FBN1: variants seen among roughly 807,000 people sequenced by gnomAD.
The protein encoded by FBN1 is fibrillin 1, also known as fibrillin-1.
FBN1 carries 29 observed loss-of-function variants against 365.1 expected under a neutral mutation model. The ratio of observed to expected loss-of-function variants is 0.08; its 90% CI spans 0.06 to 0.11. The LOEUF (loss-of-function observed/expected upper bound fraction) is 0.11, where lower values mean the gene tolerates loss of function less well. Among genes scored for constraint, FBN1 ranks in the 10% least tolerant of loss-of-function variants. The pLI, the probability that FBN1 is intolerant of heterozygous loss-of-function variation, is 1.00. For missense variants in FBN1, 2,476 were observed against 3,703.2 expected (o/e 0.67, Z 8.60); for synonymous variants, 1,210 against 1,270.5 (o/e 0.95, Z 1.01).
intron 4 of FBN1, among the ~76,000 whole-genome samples, chr15:48,609,033 T>C (rs898878753): frequency 6.6e-6 from 1 of 152,232 alleles, no homozygotes; most frequent in Non-Finnish European, 1.5e-5. Context: ...ATGGGGTCTA[T>C]TCCCAACTTT....
intron 48 of FBN1, 77 bp downstream of exon 48, chr15:48,445,299 T>C (rs1372293710): frequency 1.7e-5 from 26 of 1,521,756 alleles, no homozygotes; most frequent in Middle Eastern, 1.7e-4. Context: ...GAAAGAAGCA[T>C]TAGAACAGAG....
intron 5 of FBN1, among the ~76,000 whole-genome samples, chr15:48,599,836 G>C (rs1251941933): frequency 6.6e-6 from 1 of 152,162 alleles, no homozygotes; most frequent in African/African-American, 2.4e-5. Flanking sequence ...GTATGTGTCT[G>C]GAATGAACAA....
At chr15:48,477,404 G>T (rs1014460664) in intron 32 of FBN1, among the ~76,000 whole-genome samples, 2 of 152,166 alleles carry the variant, frequency 1.3e-5, no homozygotes, top group African/African-American at 4.8e-5. Context: ...TCCATTTTGT[G>T]ACTATTTGTA....
Position 48,437,020 on chromosome 15 carries a change from T to A in FBN1, c.6437A>T (p.Asp2146Val). 6.2e-7 allele frequency: 1 copy of A among 1,613,532 alleles called. No individual in the cohort carries two copies. The highest frequency in any genetic ancestry group is 8.5e-7 in the Non-Finnish European group (1 of 1,179,604). ...VCKHGQCINT[D>V]GSYRCECPFG... ...GGGACACTCGCAGCGATAGGAACCA[T>A]CTGTATTGATGCACTGTCCATGTTT... Residue 2146 changes from aspartate (D) to valine (V), a missense_variant, in exon 53 of 66, where the codon GAT becomes GTT. By Grantham distance (152) the Asp-to-Val change is radical. Transcript: ENST00000316623.
chr15:48,420,650 T>C (rs771082642), intron 63 of FBN1, 37 bp downstream of exon 63: 2 of 1,613,364 alleles, frequency 1.2e-6, no homozygotes, highest in Non-Finnish European at 1.7e-6. Flanking sequence ...TAGGACCTGA[T>C]AGCCATGCAT....
At chr15:48,589,518 T>C (rs1391024651) in intron 6 of FBN1, among the ~76,000 whole-genome samples, 1 of 151,806 alleles carries the variant, frequency 6.6e-6, no homozygotes, top group Non-Finnish European at 1.5e-5. Context: ...TATTCAGTGA[T>C]CCACCAGCTG....
intron 32 of FBN1, among the ~76,000 whole-genome samples, chr15:48,476,558 C>A (rs2043419388): frequency 6.6e-6 from 1 of 151,818 alleles, no homozygotes; most frequent in African/African-American, 2.4e-5. Flanking sequence ...GATTGGCACT[C>A]CTTCCCTTGG....
At chr15:48,625,779 C>T (rs183362597) in intron 2 of FBN1, among the ~76,000 whole-genome samples, 12 of 152,284 alleles carry the variant, frequency 7.9e-5, no homozygotes, top group Admixed American at 6.5e-4. Context: ...TGACTTTAGT[C>T]TCATACCAAA....
intron 4 of FBN1, among the ~76,000 whole-genome samples, chr15:48,604,219 T>C (rs925744592): frequency 3.9e-5 from 6 of 152,194 alleles, no homozygotes; most frequent in Admixed American, 3.3e-4. Flanking sequence ...AGGTTTGGAA[T>C]GATTCTAAAG....
intron 63 of FBN1, among the ~76,000 whole-genome samples, chr15:48,417,703 CT>C (rs1174520629): frequency 7.2e-5 from 11 of 152,124 alleles, no homozygotes; most frequent in Non-Finnish European, 1.5e-4. Flanking sequence ...TGTGTTCTTT[CT>C]CCTTATTTTA....
At chr15:48,412,486 G>T (rs2042871220) in intron 65 of FBN1, 83 bp downstream of exon 65, 2 of 1,466,076 alleles carry the variant, frequency 1.4e-6, no homozygotes, top group Non-Finnish European at 9.6e-7. Context: ...TTCACACTTT[G>T]GAGCATCCTT....
At position 48,410,012 on chromosome 15, in the gene FBN1, A is replaced by C. The variant is rs777471927; in HGVS notation, c.*978T>G. On this transcript the variant is annotated 3_prime_UTR_variant, in exon 66 of 66. Coordinates refer to ENST00000316623, the MANE Select transcript of FBN1 (RefSeq NM_000138.5). ...GGATAATTTAAATCCAGGAGACTTT[A>C]TTTAGCCTCCGGAATGGCCCCTCCA... 6.6e-6 allele frequency: 1 copy of C among 152,642 alleles called. No individual in the cohort carries two copies. The highest frequency in any genetic ancestry group is 6.5e-5 in the Admixed American group (1 of 15,284). The allele number at this position is 152,642 out of a possible 1,614,324, so 9.5% of individuals were successfully genotyped here. A position where few individuals can be genotyped will look rare whatever the true frequency, so the allele number is the denominator to read the frequency against.
At chr15:48,623,612 G>T (rs1889811513) in intron 2 of FBN1, among the ~76,000 whole-genome samples, 1 of 152,212 alleles carries the variant, frequency 6.6e-6, no homozygotes, top group Non-Finnish European at 1.5e-5. Flanking sequence ...ATGGCAGATT[G>T]CTGCAACTGA....
chr15:48,449,422 C>A (rs1187340986), intron 45 of FBN1, among the ~76,000 whole-genome samples: 1 of 152,128 alleles, frequency 6.6e-6, no homozygotes, highest in Admixed American at 6.6e-5. Flanking sequence ...TCCATCTTCA[C>A]CAAGTATTCA....
rs573006166 is a variant in FBN1 at position 48,511,804 on chromosome 15, A to T, written c.1589-1635T>A. 2.9e-3 allele frequency among the ~76,000 whole-genome samples: 443 copies of T among 152,334 alleles called. 2 individuals are homozygous for T. The highest frequency in any genetic ancestry group is 4.5e-3 in the Non-Finnish European group (309 of 68,040). On this transcript the variant is annotated intron_variant, in intron 13 of 65. Coordinates refer to ENST00000316623, the MANE Select transcript of FBN1 (RefSeq NM_000138.5). ...TCCTCAGTCTCCAATACTAAGTCTC[A>T]GATTGATAACAACCACATACATGAG...
At chr15:48,610,540 G>A (rs887092470) in intron 4 of FBN1, among the ~76,000 whole-genome samples, 188 bp downstream of exon 4, 3 of 152,152 alleles carry the variant, frequency 2.0e-5, no homozygotes, top group African/African-American at 7.2e-5. Flanking sequence ...TTCCTATAAA[G>A]AGTAAAGAAG....
intron 15 of FBN1, among the ~76,000 whole-genome samples, chr15:48,506,412 G>A (rs2141319051): frequency 6.6e-6 from 1 of 152,314 alleles, no homozygotes; most frequent in East Asian, 1.9e-4. Flanking sequence ...CCAAGGTTCT[G>A]TGTACAGATT....
intron 2 of FBN1, among the ~76,000 whole-genome samples, chr15:48,622,713 G>A (rs1249168483): frequency 6.6e-5 from 10 of 151,990 alleles, no homozygotes; most frequent in Non-Finnish European, 1.5e-4. Context: ...TACCAGGTAG[G>A]CCTAATCTAC....
chr15:48,432,949 A>G lies in FBN1; in HGVS notation c.6656T>C (p.Phe2219Ser), dbSNP rs397515837. ...ECAQNPLLCAFRCVNTYGSYE... is the reference protein window; with the variant it reads ...ECAQNPLLCASRCVNTYGSYE... ...TGACCCATAAGTGTTCACACATCGG[A>G]AGGCACAGAGCAGAGGATTCTGGGC... is the stretch of plus-strand genomic sequence containing the variant. Residue 2219 changes from phenylalanine (F) to serine (S), a missense_variant, in exon 55 of 66, where the codon TTC (phenylalanine) becomes TCC (serine). Around this residue, in one of 5 missense-constraint regions of FBN1, gnomAD observed 1,780 missense variants for 2,840.8 expected, o/e 0.63. Coordinates refer to ENST00000316623, the MANE Select transcript of FBN1 (RefSeq NM_000138.5). 1 of 1,613,676 alleles carries G rather than the reference A, an allele frequency of 6.2e-7. No individual in the cohort carries two copies. Among genetic ancestry groups the G allele is most frequent in the Non-Finnish European group, 8.5e-7 (1 of 1,179,652 alleles).
Sources: allele counts gnomAD v4.1 joint callset (sites outside exome capture counted in the v4.1 genomes callset), GRCh38; gene constraint gnomAD v4.1.1; regional missense constraint gnomAD v4.1.1; transcripts MANE v1.5; gene names NCBI Gene and HGNC (gene_info 2026-07-23, HGNC 2026-07-21).